AACS: variants seen among roughly 807,000 people sequenced by gnomAD.
The protein encoded by AACS is acetoacetyl-CoA synthetase.
Under a neutral mutation model 83.1 loss-of-function variants are expected in AACS, and 69 were observed. The observed-to-expected ratio is 0.83, with a 90% CI of 0.68 to 1.01. The LOEUF is 1.01. Ranked by LOEUF, AACS falls within the 50% of genes least tolerant of loss-of-function variation. The pLI is 0.00. For synonymous variants in AACS, 333 were observed against 343.4 expected, an observed-to-expected ratio of 0.97 and a Z score of 0.33; for missense variants, 866 against 882.2, an observed-to-expected ratio of 0.98 and a Z score of 0.23.
chr12:125,103,113 T>G (rs752026416), intron 7 of AACS, 32 bp downstream of exon 7: 8 of 1,587,904 alleles, frequency 5.0e-6, no homozygotes, highest in Admixed American at 1.8e-5. Flanking sequence ...CACAGGTCCG[T>G]GTGGACCCAC....
Position 125,065,515 on chromosome 12 carries a change from C to T in AACS, c.-70C>T. 2 of 1,372,714 alleles carry T rather than the reference C, an allele frequency of 1.5e-6. No homozygotes were observed. Among genetic ancestry groups the T allele is most frequent in the Non-Finnish European group, 1.9e-6 (2 of 1,060,528 alleles). The allele number at this position is 1,372,714 out of a possible 1,614,324, so 85.0% of individuals were successfully genotyped here. A position where few individuals can be genotyped will look rare whatever the true frequency, so the allele number is the denominator to read the frequency against. ...CCGTCGCTTCCTCCGGTCCCAGGTC[C>T]CCGGCCCTCGCCTCAGCCCCGGCCC... On this transcript the variant is annotated 5_prime_UTR_variant, in exon 1 of 18. Transcript: ENST00000316519.
In AACS at chr12:125,130,611, A is replaced by C. The variant is rs1331042238; in HGVS notation, c.1549+1151A>C. Among the ~76,000 whole-genome samples, 1 of 152,246 alleles carries C rather than the reference A, an allele frequency of 6.6e-6. No homozygotes were observed. Among genetic ancestry groups the C allele is most frequent in the African/African-American group, 2.4e-5 (1 of 41,472 alleles). On this transcript the variant is annotated intron_variant, in intron 14 of 17. Coordinates refer to ENST00000316519, the MANE Select transcript of AACS (RefSeq NM_023928.5). The surrounding 1 kb of genome is among the most constrained non-coding windows in gnomAD (Gnocchi z 4.9). ...TTATTTGTCACATGTGCAAGGGTTC[A>C]TGTGATAGATGTCTCTCAGGATTAA...
chr12:125,090,632 A>G (rs1000788496), intron 4 of AACS, among the ~76,000 whole-genome samples: 1 of 151,854 alleles, frequency 6.6e-6, no homozygotes, highest in Non-Finnish European at 1.5e-5. Flanking sequence ...CCATTCACCC[A>G]TCATCCATCT....
intron 17 of AACS, chr12:125,141,686 G>A (rs1039448343): frequency 2.0e-5 from 3 of 147,382 alleles, no homozygotes; most frequent in Admixed American, 7.1e-5. Flanking sequence ...GACAGAGTGC[G>A]ACTCTGTCTC....
At chr12:125,089,991 TCATC>T (rs1956429215) in intron 4 of AACS, among the ~76,000 whole-genome samples, 1 of 148,710 alleles carries the variant, frequency 6.7e-6, no homozygotes, top group South Asian at 2.2e-4. Context: ...CCCTCATAGA[TCATC>T]CATCCAACTA....
intron 10 of AACS, chr12:125,122,789 C>T (rs568029461): frequency 6.6e-6 from 1 of 152,344 alleles, no homozygotes; most frequent in Admixed American, 6.5e-5. Context: ...GGCTGATCCA[C>T]ACTTCCCTCC....
chr12:125,136,538 A>G (rs1957402679), intron 16 of AACS, 124 bp from the exon 17 acceptor site: 1 of 704,566 alleles, frequency 1.4e-6, no homozygotes, highest in Non-Finnish European at 2.4e-6. Flanking sequence ...CTGGGAGAAC[A>G]CAGGCACCGC....
chr12:125,108,203 C>T (rs999373599), intron 8 of AACS, among the ~76,000 whole-genome samples: 7 of 152,184 alleles, frequency 4.6e-5, no homozygotes, highest in Non-Finnish European at 7.3e-5. Flanking sequence ...AGAGCCTGCC[C>T]GTGCTGCGAG....
rs56314902 is a variant in AACS at position 125,112,678 on chromosome 12, C to CAA, written c.916-1787_916-1786dup. Among the ~76,000 whole-genome samples the CAA allele has an allele frequency of 1.8e-5, 2 of 108,440 alleles. 1 individual carries two copies. Among genetic ancestry groups the CAA allele is most frequent in the African/African-American group, 7.7e-5 (2 of 25,942 alleles). 71.1% of individuals were successfully genotyped at this position (108,440 alleles called of 152,430 possible). On this transcript the variant is annotated intron_variant, in intron 8 of 17. Transcript: ENST00000316519. ...CTGGTGACAGAGCGAGACTCTGTCT[C>CAA]AAAAAAAAAAAAAGACATACTGAGA...
intron 3 of AACS, among the ~76,000 whole-genome samples, chr12:125,079,867 G>A (rs551343511): frequency 6.6e-6 from 1 of 152,184 alleles, no homozygotes; most frequent in African/African-American, 2.4e-5. Flanking sequence ...CTCTGTTCCT[G>A]CCTCCCCCAG....
chr12:125,102,720 C>G lies in AACS; in HGVS notation c.612C>G (p.Ile204Met), dbSNP rs1956739883. Residue 204 changes from isoleucine (I) to methionine (M), a missense_variant, in exon 6 of 18, where the codon ATC becomes ATG. Ile to Met is a conservative substitution (Grantham distance 10). Coordinates refer to ENST00000316519, the MANE Select transcript of AACS (RefSeq NM_023928.5). ...TTTCTCAAATTCAGCCAAAGCTCAT[C>G]TTCTCTGTGGAGGCTGTTGTCTATA... ...DRFSQIQPKL[I>M]FSVEAVVYNG... 16 of 1,614,176 alleles carry G rather than the reference C, an allele frequency of 9.9e-6. No homozygotes were observed. The highest frequency in any genetic ancestry group is 1.4e-5 in the Non-Finnish European group (16 of 1,180,030).
Position 125,107,247 on chromosome 12 carries a change from G to A in AACS, c.894G>A (p.Lys298=). The change falls in exon 8 of 18, where the codon AAG becomes AAA. Residue 298 remains lysine, a synonymous_variant. Coordinates refer to ENST00000316519, the MANE Select transcript of AACS (RefSeq NM_023928.5). The stretch of plus-strand genomic sequence containing the variant: ...CATCGGGCACCACGGGCGCACCCAA[G>A]TGCATGGTGCATTCCGCTGGGGTAG... The part of the protein sequence containing the change: ...MFSSGTTGAP[K]CMVHSAGGTL... 3 of 1,613,956 alleles carry A rather than the reference G, an allele frequency of 1.9e-6. No individual in the cohort carries two copies. Among genetic ancestry groups the A allele is most frequent in the Non-Finnish European group, 1.7e-6 (2 of 1,180,040 alleles).
chr12:125,066,210 A>G (rs1014804013), intron 1 of AACS, among the ~76,000 whole-genome samples: 1 of 151,994 alleles, frequency 6.6e-6, no homozygotes, highest in African/African-American at 2.4e-5. Flanking sequence ...ACCTAGCAGG[A>G]TGGTCAGGCA....
intron 13 of AACS, chr12:125,128,742 A>T (rs1006807139): frequency 1.3e-5 from 2 of 155,442 alleles, no homozygotes; most frequent in African/African-American, 4.8e-5. Flanking sequence ...CTGAAGATGC[A>T]TACGTGCCCT....
At chr12:125,109,616 C>T (rs1304089150) in intron 8 of AACS, among the ~76,000 whole-genome samples, 1 of 151,628 alleles carries the variant, frequency 6.6e-6, no homozygotes, top group Non-Finnish European at 1.5e-5. Flanking sequence ...GTAGCGCGCT[C>T]ATCAAATTCA....
chr12:125,085,209 T>C (rs1371909306), intron 3 of AACS, among the ~76,000 whole-genome samples: 1 of 152,244 alleles, frequency 6.6e-6, no homozygotes, highest in East Asian at 1.9e-4. Flanking sequence ...ACCTCGCACG[T>C]GCATGTTTCA....
chr12:125,076,524 C>G lies in AACS; in HGVS notation c.271C>G (p.Pro91Ala). 6.2e-7 allele frequency: 1 copy of G among 1,614,072 alleles called. No homozygotes were observed. Among genetic ancestry groups the G allele is most frequent in the Non-Finnish European group, 8.5e-7 (1 of 1,180,022 alleles). Residue 91 changes from proline to alanine, a missense_variant, in exon 3 of 18, where the codon CCC becomes GCC. Physicochemically the swap from Pro to Ala is conservative, Grantham distance 27. Coordinates refer to ENST00000316519, the MANE Select transcript of AACS (RefSeq NM_023928.5). ...VDTSKGIADV[P>A]EWFKGSRLNY... Reference sequence around the variant, plus strand: ...CACATCGAAAGGAATCGCAGATGTCCCCGAGTGGTTCAAAGGCAGTCGGCT... The same window carrying G: ...CACATCGAAAGGAATCGCAGATGTCGCCGAGTGGTTCAAAGGCAGTCGGCT...
At chr12:125,102,874 G>A in intron 6 of AACS, 81 bp downstream of exon 6, 1 of 1,460,730 alleles carries the variant, frequency 6.8e-7, no homozygotes, top group Non-Finnish European at 9.6e-7. Context: ...GTCAATCTGG[G>A]TAGTCTCTGC....
chr12:125,142,328 T>C lies in AACS; in HGVS notation c.*99T>C. 6.6e-7 allele frequency: 1 copy of C among 1,504,770 alleles called. No homozygotes were observed. Among genetic ancestry groups the C allele is most frequent in the South Asian group, 1.3e-5 (1 of 79,534 alleles). 93.2% of individuals were successfully genotyped at this position (1,504,770 alleles called of 1,614,324 possible). Reference sequence around the variant, plus strand: ...GAAACCTACAGCTGTTGTAAAAGGATGCTCGCACCAAGTGTTCTGTAGGCT... The same window carrying C: ...GAAACCTACAGCTGTTGTAAAAGGACGCTCGCACCAAGTGTTCTGTAGGCT... On this transcript the variant is annotated 3_prime_UTR_variant, in exon 18 of 18. Coordinates refer to ENST00000316519, the MANE Select transcript of AACS (RefSeq NM_023928.5).
Sources: allele counts gnomAD v4.1 joint callset (sites outside exome capture counted in the v4.1 genomes callset), GRCh38; gene constraint gnomAD v4.1.1; non-coding constraint Gnocchi (gnomAD v3.1); transcripts MANE v1.5; gene names NCBI Gene and HGNC (gene_info 2026-07-23, HGNC 2026-07-21).